AQP9: variants seen among roughly 807,000 people sequenced by gnomAD.
AQP9 encodes the protein aquaporin 9.
Under a neutral mutation model 23.8 loss-of-function variants are expected in AQP9, and 19 were observed. That is an observed-to-expected ratio of 0.80 (90% confidence interval 0.56 to 1.17). AQP9 has a LOEUF of 1.17. Ranked by LOEUF, AQP9 falls within the 50% of genes most tolerant of loss-of-function variation. AQP9 has a pLI of 0.00. For missense variants in AQP9, 413 were observed against 362.0 expected (o/e 1.14, Z -1.14); for synonymous variants, 153 against 131.5 (o/e 1.16, Z -1.12).
intron 2 of AQP9, among the ~76,000 whole-genome samples, chr15:58,167,556 G>GC (rs1898536102): frequency 6.6e-6 from 1 of 152,142 alleles, no homozygotes; most frequent in African/African-American, 2.4e-5. Flanking sequence ...GCACTCTGAG[G>GC]CGGGTATTAC....
At position 58,138,428 on chromosome 15, in the gene AQP9, T is replaced by C; in HGVS notation, c.-138T>C. On this transcript the variant is annotated 5_prime_UTR_variant, in exon 1 of 6. Coordinates refer to ENST00000219919, the MANE Select transcript of AQP9 (RefSeq NM_020980.5). ...CAGCCTCTAATTGGAACGGCATTTG[T>C]ACAGTCAGAGACTCTTACCAGACAT... The C allele has an allele frequency of 1.6e-6, 1 of 629,410 alleles. No homozygotes were observed. The highest frequency in any genetic ancestry group is 2.1e-5 in the South Asian group (1 of 48,068). The allele number at this position is 629,410 out of a possible 1,614,324, so 39.0% of individuals were successfully genotyped here.
At chr15:58,154,199 C>T (rs1898202575) in intron 1 of AQP9, 1 of 152,114 alleles carries the variant, frequency 6.6e-6, no homozygotes, top group Admixed American at 6.6e-5. Context: ...ACAGCTCCCC[C>T]AACTCAAGTC....
At chr15:58,161,121 T>A (rs1174375953) in intron 1 of AQP9, among the ~76,000 whole-genome samples, 1 of 152,062 alleles carries the variant, frequency 6.6e-6, no homozygotes, top group Admixed American at 6.6e-5. Context: ...TGGCATGGTC[T>A]CTGGATGGGG....
At position 58,143,512 on chromosome 15, in the gene AQP9, CTGAGA is replaced by C. The variant is rs542393100; in HGVS notation, c.111+4838_111+4842del. 3.5e-3 allele frequency among the ~76,000 whole-genome samples: 536 copies of C among 152,330 alleles called. 1 individual carries two copies. The highest frequency in any genetic ancestry group is 5.8e-3 in the Non-Finnish European group (397 of 68,026). The stretch of plus-strand genomic sequence containing the variant: ...GACCACAAGCAAGTGTGTGGTGGAG[CTGAGA>C]TTAGAATCAAATCTCTCCAGTTTCT... On this transcript the variant is annotated intron_variant, in intron 1 of 5. Coordinates refer to ENST00000219919, the MANE Select transcript of AQP9 (RefSeq NM_020980.5).
At chr15:58,149,764 G>A (rs1213193925) in intron 1 of AQP9, among the ~76,000 whole-genome samples, 1 of 152,218 alleles carries the variant, frequency 6.6e-6, no homozygotes, top group Non-Finnish European at 1.5e-5. Flanking sequence ...TGTGCTGACA[G>A]ATTGCCATGG....
At chr15:58,160,087 A>G (rs1287566919) in intron 1 of AQP9, among the ~76,000 whole-genome samples, 1 of 152,034 alleles carries the variant, frequency 6.6e-6, no homozygotes, top group African/African-American at 2.4e-5. Context: ...CCTCCACACT[A>G]TTTTCCATAG....
At chr15:58,166,513 T>G in intron 1 of AQP9, 160 bp from the exon 2 acceptor site, 4 of 872,116 alleles carry the variant, frequency 4.6e-6, no homozygotes, top group Non-Finnish European at 6.5e-6. Context: ...GTCCACCATT[T>G]TGCTATCTGT....
At chr15:58,170,728 A>G (rs1321564979) in intron 2 of AQP9, among the ~76,000 whole-genome samples, 2 of 152,078 alleles carry the variant, frequency 1.3e-5, no homozygotes, top group East Asian at 1.9e-4. Context: ...TATATTGAAT[A>G]CCTACTAAGT....
At chr15:58,151,484 C>G (rs1479431751) in intron 1 of AQP9, 1 of 152,042 alleles carries the variant, frequency 6.6e-6, no homozygotes, top group African/African-American at 2.4e-5. Flanking sequence ...CACTAACTTT[C>G]TCCTCTGACC....
chr15:58,181,161 G>C (rs1898880330), intron 5 of AQP9, among the ~76,000 whole-genome samples: 1 of 152,150 alleles, frequency 6.6e-6, no homozygotes, highest in Non-Finnish European at 1.5e-5. Context: ...TATATGTTAG[G>C]AGAACTCACG....
chr15:58,158,826 C>T (rs553232016), intron 1 of AQP9, among the ~76,000 whole-genome samples: 30 of 152,262 alleles, frequency 2.0e-4, no homozygotes, highest in African/African-American at 6.3e-4. Context: ...AGACCTCTTG[C>T]GGTAATTCTA....
chr15:58,138,809 C>G (rs1897902941), intron 1 of AQP9, 133 bp downstream of exon 1: 2 of 746,078 alleles, frequency 2.7e-6, no homozygotes, highest in Non-Finnish European at 4.4e-6. Context: ...CAGGAAGAAA[C>G]AAGTTACTAG....
At chr15:58,164,623 T>C (rs1348343910) in intron 1 of AQP9, among the ~76,000 whole-genome samples, 1 of 152,160 alleles carries the variant, frequency 6.6e-6, no homozygotes, top group Non-Finnish European at 1.5e-5. Flanking sequence ...AGGGGACATG[T>C]TCCTGCTGTA....
In AQP9 at chr15:58,174,966, A is replaced by G; in HGVS notation, c.425A>G (p.Asn142Ser). 2 of 1,614,190 alleles carry G rather than the reference A, an allele frequency of 1.2e-6. No individual in the cohort carries two copies. Among genetic ancestry groups the G allele is most frequent in the Non-Finnish European group, 1.7e-6 (2 of 1,180,004 alleles). The change falls in exon 4 of 6, where the codon AAT becomes AGT. Residue 142 changes from asparagine (N) to serine (S), a missense_variant. Physicochemically the swap from Asn to Ser is conservative, Grantham distance 46 (BLOSUM62 1). Transcript: ENST00000219919. Reference protein sequence around the residue: ...AGGKLLIVGENATAHIFATYP... With the variant: ...AGGKLLIVGESATAHIFATYP... ...GGAAAACTGCTGATCGTGGGAGAAA[A>G]TGCAACAGCACACATTTTTGCAACA...
rs1156528283 is a variant in AQP9, at chr15:58,166,754, T to G, written c.193T>G (p.Ser65Ala). The G allele has an allele frequency of 6.2e-7, 1 of 1,614,034 alleles. No homozygotes were observed. Among genetic ancestry groups the G allele is most frequent in the South Asian group, 1.1e-5 (1 of 91,060 alleles). Reference sequence around the variant, plus strand: ...GGTCATCACTATCAATGTTGGATTTTCAATGGCAGTTGCAATGGCCATTTA... The same window carrying G: ...GGTCATCACTATCAATGTTGGATTTGCAATGGCAGTTGCAATGGCCATTTA... ...GGVITINVGF[S>A]MAVAMAIYVA... The change falls in exon 2 of 6, where the codon TCA becomes GCA. Residue 65 changes from serine to alanine, a missense_variant. Transcript: ENST00000219919.
chr15:58,141,248 T>C (rs1208886797), intron 1 of AQP9, among the ~76,000 whole-genome samples: 5 of 152,180 alleles, frequency 3.3e-5, no homozygotes, highest in African/African-American at 1.2e-4. Context: ...TCCTCTCTCT[T>C]CAAACTTTTC....
intron 5 of AQP9, 97 bp downstream of exon 5, chr15:58,179,442 C>T: frequency 8.9e-7 from 1 of 1,120,184 alleles, no homozygotes; most frequent in South Asian, 1.4e-5. Flanking sequence ...GTTCAGATGA[C>T]AGCGCCAACG....
At chr15:58,178,758 A>G (rs1249872460) in intron 4 of AQP9, among the ~76,000 whole-genome samples, 1 of 152,114 alleles carries the variant, frequency 6.6e-6, no homozygotes, top group Non-Finnish European at 1.5e-5. Flanking sequence ...CAAGCCTTTC[A>G]TTCATTTTTC....
chr15:58,162,720 C>G (rs1246907373), intron 1 of AQP9, among the ~76,000 whole-genome samples: 1 of 152,138 alleles, frequency 6.6e-6, no homozygotes, highest in African/African-American at 2.4e-5. Context: ...AGAAGCCAGG[C>G]CCCACGGAGA....
Sources: gnomAD v4.1 joint callset for allele counts (sites outside exome capture counted in the v4.1 genomes callset) on GRCh38, gnomAD v4.1.1 for gene constraint, MANE v1.5 for transcripts, NCBI Gene and HGNC (gene_info 2026-07-23, HGNC 2026-07-21) for gene names.